IL1RAPL2: variants seen among roughly 807,000 people sequenced by gnomAD.
IL1RAPL2 encodes the protein X-linked interleukin-1 receptor accessory protein-like 2.
In IL1RAPL2, 3 loss-of-function variants were observed where a neutral mutation model predicts 44.1. The ratio of observed to expected loss-of-function variants is 0.07; its 90% CI spans 0.03 to 0.18. The LOEUF is 0.18. Ranked by LOEUF, IL1RAPL2 falls within the 10% of genes least tolerant of loss-of-function variation. IL1RAPL2 has a pLI of 1.00. For missense variants in IL1RAPL2, 391 were observed against 496.4 expected (o/e 0.79, Z 2.02); for synonymous variants, 181 against 178.8 (o/e 1.01, Z -0.10).
intron 6 of IL1RAPL2, among the ~76,000 whole-genome samples, chrX:105,705,934 C>T (rs992570753): frequency 9.9e-5 from 11 of 111,346 alleles, no homozygotes; most frequent in African/African-American, 3.6e-4. Flanking sequence ...AGCCTATATG[C>T]AAGATACTTA....
intron 2 of IL1RAPL2, among the ~76,000 whole-genome samples, chrX:105,003,655 A>C (rs2030891737): frequency 9.0e-6 from 1 of 110,958 alleles, no homozygotes; most frequent in Non-Finnish European, 1.9e-5. Context: ...GCCACTTAGT[A>C]AGAGTGGGAG....
At chrX:105,051,327 G>A (rs1346361627) in intron 2 of IL1RAPL2, among the ~76,000 whole-genome samples, 5 of 112,508 alleles carry the variant, frequency 4.4e-5, no homozygotes, top group Admixed American at 3.7e-4. Flanking sequence ...AGGCTGCAGA[G>A]ATGCACAGGT....
intron 6 of IL1RAPL2, among the ~76,000 whole-genome samples, chrX:105,564,872 A>G (rs745784520): frequency 9.0e-6 from 1 of 111,529 alleles, no homozygotes; most frequent in Non-Finnish European, 1.9e-5. Context: ...CTTCCCACAC[A>G]TGGTCAAAGG....
At chrX:105,462,818 ATTC>A (rs1239923850) in intron 5 of IL1RAPL2, among the ~76,000 whole-genome samples, 4 of 110,738 alleles carry the variant, frequency 3.6e-5, no homozygotes, top group African/African-American at 1.3e-4. Context: ...TAGAGGTTAA[ATTC>A]TTCTTCCCCA....
chrX:105,762,203 C>CTATT (rs1279930742), intron 10 of IL1RAPL2, among the ~76,000 whole-genome samples: 4 of 111,896 alleles, frequency 3.6e-5, no homozygotes, highest in Non-Finnish European at 7.5e-5. Context: ...AGATCTAATT[C>CTATT]TATTTCTCCT....
At chrX:105,346,224 C>T (rs2035109246) in intron 5 of IL1RAPL2, among the ~76,000 whole-genome samples, 1 of 111,917 alleles carries the variant, frequency 8.9e-6, no homozygotes, top group African/African-American at 3.3e-5. Flanking sequence ...TTAATAACTC[C>T]TGTAAACCGG....
intron 6 of IL1RAPL2, among the ~76,000 whole-genome samples, chrX:105,665,734 G>A (rs5962562): frequency 1.4e-4 from 9 of 62,496 alleles, no homozygotes; most frequent in Non-Finnish European, 2.7e-4. Context: ...TTGTTTTTTT[G>A]TTTTTTTGTT....
At chrX:105,041,052 G>T (rs1202724053) in intron 2 of IL1RAPL2, among the ~76,000 whole-genome samples, 41 of 101,175 alleles carry the variant, frequency 4.1e-4, no homozygotes, top group African/African-American at 1.4e-3. Context: ...TGCTTTGAAT[G>T]TGTCCCAGAG....
intron 6 of IL1RAPL2, among the ~76,000 whole-genome samples, chrX:105,635,384 A>G (rs1371819922): frequency 8.9e-6 from 1 of 111,942 alleles, no homozygotes; most frequent in Admixed American, 9.5e-5. Flanking sequence ...AGTTATGTAA[A>G]TGTAAACAAA....
chrX:104,764,985 A>C (rs961148817), intron 2 of IL1RAPL2, among the ~76,000 whole-genome samples: 1 of 111,941 alleles, frequency 8.9e-6, no homozygotes, highest in Non-Finnish European at 1.9e-5. Flanking sequence ...TTTTGCATAA[A>C]TGTTCATCAG....
intron 6 of IL1RAPL2, among the ~76,000 whole-genome samples, chrX:105,647,374 G>T (rs2037614136): frequency 8.9e-6 from 1 of 111,955 alleles, no homozygotes. Context: ...CCTAAAGGGG[G>T]TTCCCTCTAC....
chrX:104,752,448 G>T (rs138847328), intron 2 of IL1RAPL2, among the ~76,000 whole-genome samples: 26 of 110,045 alleles, frequency 2.4e-4, no homozygotes, highest in African/African-American at 7.6e-4. Context: ...TTGTGACAAG[G>T]GCCCCACTAT....
intron 5 of IL1RAPL2, among the ~76,000 whole-genome samples, chrX:105,389,985 G>A (rs1348717828): frequency 9.0e-6 from 1 of 110,884 alleles, no homozygotes; most frequent in African/African-American, 3.3e-5. Flanking sequence ...ATATAGCTCA[G>A]GGGATCTTTG....
intron 2 of IL1RAPL2, among the ~76,000 whole-genome samples, chrX:105,067,010 T>A (rs757349658): frequency 2.5e-4 from 28 of 111,694 alleles, no homozygotes; most frequent in Non-Finnish European, 3.8e-5. Context: ...GAATACCAAT[T>A]TGGCAAGTTT....
At chrX:104,866,631 A>G (rs964519537) in intron 2 of IL1RAPL2, among the ~76,000 whole-genome samples, 1 of 112,093 alleles carries the variant, frequency 8.9e-6, no homozygotes, top group African/African-American at 3.2e-5. Flanking sequence ...TTTTCATGGG[A>G]AAAGTTTGTG....
At chrX:104,827,808 G>A (rs140137130) in intron 2 of IL1RAPL2, among the ~76,000 whole-genome samples, 44 of 111,675 alleles carry the variant, frequency 3.9e-4, no homozygotes, top group African/African-American at 1.3e-3. Flanking sequence ...TTATTTGTTG[G>A]AGGCTTTGTT....
chrX:105,447,109 A>G (rs1318824772), intron 5 of IL1RAPL2, among the ~76,000 whole-genome samples: 1 of 32,641 alleles, frequency 3.1e-5, no homozygotes, highest in African/African-American at 2.8e-4. Flanking sequence ...ATATATATAA[A>G]AATATATATA....
In IL1RAPL2 at chrX:105,019,714, A is replaced by G. The variant is rs1003129320; in HGVS notation, c.83-175761A>G. On this transcript the variant is annotated intron_variant, in intron 2 of 10. Transcript: ENST00000372582. Reference sequence around the variant, plus strand: ...TTTCTCTAACCTTATCCTGATGTTCAGGGACTCCCTCAAAAGTAATTATAG... The same window carrying G: ...TTTCTCTAACCTTATCCTGATGTTCGGGGACTCCCTCAAAAGTAATTATAG... Among the ~76,000 whole-genome samples the G allele has an allele frequency of 1.7e-4, 19 of 111,738 alleles. No individual in the cohort carries two copies. In the Admixed American group the frequency reaches 1.7e-3, roughly 10 times the overall value.
intron 6 of IL1RAPL2, among the ~76,000 whole-genome samples, chrX:105,618,069 C>G (rs1323070322): frequency 9.1e-6 from 1 of 109,453 alleles, no homozygotes; most frequent in Admixed American, 9.9e-5. Flanking sequence ...TCCATTTTAC[C>G]CACACTTCCA....
Sources: gnomAD v4.1 joint callset for allele counts (sites outside exome capture counted in the v4.1 genomes callset) on GRCh38, gnomAD v4.1.1 for gene constraint, MANE v1.5 for transcripts, NCBI Gene and HGNC (gene_info 2026-07-23, HGNC 2026-07-21) for gene names.